The following CFAP45 variants were observed in gnomAD, a reference collection of about 807,000 sequenced individuals.
CFAP45 encodes cilia- and flagella-associated protein 45.
A neutral mutation model predicts 75.6 loss-of-function variants in CFAP45; 43 were observed. That is an observed-to-expected ratio of 0.57 (90% confidence interval 0.45 to 0.73). The LOEUF (loss-of-function observed/expected upper bound fraction) is 0.73, where lower values mean the gene tolerates loss of function less well. Among genes scored for constraint, CFAP45 ranks in the 30% least tolerant of loss-of-function variants. The probability of loss-of-function intolerance (pLI) is 0.00; values close to 1 mark genes in which losing one functional copy is unlikely to be tolerated. For synonymous variants in CFAP45, 223 were observed against 244.6 expected (o/e 0.91, Z 0.82); for missense variants, 689 against 701.5 (o/e 0.98, Z 0.20).
rs772398807 is a variant in CFAP45, at chr1:159,890,640, A to G, written c.130-18T>C. 6.2e-7 allele frequency: 1 copy of G among 1,613,236 alleles called. No homozygotes were observed. ...GCTGGGGACTATGAGTTCAGAAAGAATAGCTTAGAAGCTTGTCACCCCCAC... is the reference window on the plus strand; with the variant it reads ...GCTGGGGACTATGAGTTCAGAAAGAGTAGCTTAGAAGCTTGTCACCCCCAC... On this transcript the variant is annotated intron_variant, in intron 2 of 11. Coordinates refer to ENST00000368099, the MANE Select transcript of CFAP45 (RefSeq NM_012337.3).
chr1:159,899,980 C>T (rs919639935), intron 1 of CFAP45, 116 bp downstream of exon 1: 2 of 1,102,622 alleles, frequency 1.8e-6, no homozygotes, highest in African/African-American at 1.6e-5. Flanking sequence ...TCTCCTTACT[C>T]CTGGGCCCTC....
intron 10 of CFAP45, chr1:159,876,173 C>G (rs920014570): frequency 3.9e-6 from 1 of 254,334 alleles, no homozygotes. Flanking sequence ...CCCTTAGTGT[C>G]TGAAGTTCTT....
intron 8 of CFAP45, among the ~76,000 whole-genome samples, chr1:159,878,621 C>T (rs772575564): frequency 5.3e-5 from 8 of 151,598 alleles, no homozygotes; most frequent in South Asian, 4.2e-4. Flanking sequence ...AGCATGGTGG[C>T]GCATGCCTGT....
At chr1:159,872,874 T>C (rs964280610) in intron 11 of CFAP45, 70 bp downstream of exon 11, 11 of 1,475,708 alleles carry the variant, frequency 7.5e-6, no homozygotes, top group Non-Finnish European at 1.0e-5. Flanking sequence ...ATCCCCATGC[T>C]TTCCAGCCTG....
intron 8 of CFAP45, among the ~76,000 whole-genome samples, chr1:159,878,618 T>G (rs1649464161): frequency 6.6e-6 from 1 of 151,634 alleles, no homozygotes; most frequent in Non-Finnish European, 1.5e-5. Context: ...CTGAGCATGG[T>G]GGCGCATGCC....
chr1:159,884,903 T>C (rs1405317686), intron 6 of CFAP45, among the ~76,000 whole-genome samples: 1 of 152,178 alleles, frequency 6.6e-6, no homozygotes, highest in African/African-American at 2.4e-5. Flanking sequence ...CACCTCCCAA[T>C]TCTTCCCAGA....
chr1:159,892,405 CT>C (rs1649850535), intron 2 of CFAP45, among the ~76,000 whole-genome samples: 1 of 152,220 alleles, frequency 6.6e-6, no homozygotes, highest in African/African-American at 2.4e-5. Context: ...CTCAATCCCT[CT>C]GGAGAGTCCT....
intron 10 of CFAP45, among the ~76,000 whole-genome samples, chr1:159,875,407 G>A (rs539612358): frequency 1.3e-5 from 2 of 152,256 alleles, no homozygotes; most frequent in South Asian, 4.1e-4. Context: ...GAAAATTACA[G>A]AGCCAAAGGG....
chr1:159,884,684 C>T lies in CFAP45; in HGVS notation c.768-119G>A, dbSNP rs878944094. The T allele has an allele frequency of 2.3e-4, 239 of 1,025,972 alleles. 4 individuals carry two copies. Among genetic ancestry groups the T allele is most frequent in the South Asian group, 2.3e-3 (140 of 61,996 alleles). The allele number at this position is 1,025,972 out of a possible 1,614,324, so 63.6% of individuals were successfully genotyped here. Reference sequence around the variant, plus strand: ...GTCACCGAAACAATTTGACAAGTGCCCCCTAAACATGAATATGCTTCATGA... The same window carrying T: ...GTCACCGAAACAATTTGACAAGTGCTCCCTAAACATGAATATGCTTCATGA... On this transcript the variant is annotated intron_variant, in intron 6 of 11. Coordinates refer to ENST00000368099, the MANE Select transcript of CFAP45 (RefSeq NM_012337.3).
At chr1:159,877,833 C>T (rs551811896) in intron 8 of CFAP45, among the ~76,000 whole-genome samples, 1 of 152,054 alleles carries the variant, frequency 6.6e-6, no homozygotes, top group South Asian at 2.1e-4. Context: ...ATCATGATTG[C>T]ATTACTGCAT....
In CFAP45 at chr1:159,872,414, C is replaced by G; in HGVS notation, c.*71G>C. ...AACTATGAAATGTCTAGGTTAGCAG[C>G]AATTATGGATGCCCAGAGACTGGGC... is the stretch of plus-strand genomic sequence containing the variant. On this transcript the variant is annotated 3_prime_UTR_variant, in exon 12 of 12. Transcript: ENST00000368099. 1 of 1,142,368 alleles carries G rather than the reference C, an allele frequency of 8.8e-7. No homozygotes were observed. Among genetic ancestry groups the G allele is most frequent in the Non-Finnish European group, 1.3e-6 (1 of 750,394 alleles). 70.8% of individuals were successfully genotyped at this position (1,142,368 alleles called of 1,614,324 possible).
Position 159,873,166 on chromosome 1 carries a change from GC to G in CFAP45, c.1354del (p.Ala452LeufsTer74). 6.2e-7 allele frequency: 1 copy of G among 1,613,108 alleles called. No homozygotes were observed. Among genetic ancestry groups the G allele is most frequent in the Non-Finnish European group, 8.5e-7 (1 of 1,179,622 alleles). ...DRDEFERILR[A>X]QREQIEKERL... is the part of the protein sequence containing the mutation. Reference sequence around the variant, plus strand: ...CTCCTTCTCAATCTGTTCTCTCTGAGCCCTGGGGGAGGGAAACAGGAATGGA... The same window carrying G: ...CTCCTTCTCAATCTGTTCTCTCTGAGCCTGGGGGAGGGAAACAGGAATGGA... On this transcript the variant is annotated frameshift_variant and splice_region_variant, in exon 11 of 12. Coordinates refer to ENST00000368099, the MANE Select transcript of CFAP45 (RefSeq NM_012337.3). LOFTEE classifies it high-confidence loss of function.
chr1:159,897,919 CA>C (rs1406829004), intron 1 of CFAP45: 2 of 160,226 alleles, frequency 1.2e-5, no homozygotes, highest in Non-Finnish European at 2.7e-5. Context: ...TTCTGGGATC[CA>C]GAATGTTTCA....
intron 3 of CFAP45, among the ~76,000 whole-genome samples, chr1:159,889,555 T>C (rs1224093591): frequency 3.3e-5 from 5 of 152,328 alleles, no homozygotes; most frequent in South Asian, 4.1e-4. Context: ...CAGCAGTTTA[T>C]ACTGCTTTCA....
chr1:159,897,144 G>A (rs1262403353), intron 1 of CFAP45, among the ~76,000 whole-genome samples: 1 of 152,000 alleles, frequency 6.6e-6, no homozygotes, highest in African/African-American at 2.4e-5. Context: ...TACACCTATA[G>A]TCCCAGCTAC....
chr1:159,886,384 A>C (rs1211974159), intron 6 of CFAP45, 127 bp downstream of exon 6: 9 of 861,368 alleles, frequency 1.0e-5, no homozygotes, highest in African/African-American at 1.7e-5. Context: ...CACTTCGTAA[A>C]GTTTTGAGAT....
intron 5 of CFAP45, among the ~76,000 whole-genome samples, chr1:159,887,452 A>G: frequency 6.6e-6 from 1 of 152,212 alleles, no homozygotes; most frequent in East Asian, 1.9e-4. Flanking sequence ...CTCGACCACC[A>G]TACGTGGCCA....
intron 3 of CFAP45, 34 bp from the exon 4 acceptor site, chr1:159,888,530 G>C: frequency 6.2e-7 from 1 of 1,606,436 alleles, no homozygotes; most frequent in Non-Finnish European, 8.5e-7. Flanking sequence ...AGGGAGGGGA[G>C]AGGGAAAGCT....
intron 1 of CFAP45, chr1:159,898,264 G>A (rs1649996694): frequency 1.0e-6 from 1 of 984,210 alleles, no homozygotes; most frequent in Non-Finnish European, 1.2e-6. Context: ...GACCAAGTTG[G>A]CCATCTGTAG....
Sources: gnomAD v4.1 joint callset for allele counts (sites outside exome capture counted in the v4.1 genomes callset) on GRCh38, gnomAD v4.1.1 for gene constraint, MANE v1.5 for transcripts, NCBI Gene and HGNC (gene_info 2026-07-23, HGNC 2026-07-21) for gene names.